The following DRAM2 variants were observed in gnomAD, a reference collection of about 807,000 sequenced individuals.
DRAM2 encodes the protein DNA damage regulated autophagy modulator 2.
DRAM2 carries 26 observed loss-of-function variants against 33.5 expected under a neutral mutation model. The observed-to-expected ratio is 0.78, with a 90% CI of 0.57 to 1.08. DRAM2 has a LOEUF of 1.08. DRAM2 is among the 50% of genes least tolerant of loss of function. The probability of loss-of-function intolerance (pLI) is 0.00; values close to 1 mark genes in which losing one functional copy is unlikely to be tolerated. For missense variants in DRAM2, 311 were observed against 318.1 expected (o/e 0.98, Z 0.17); for synonymous variants, 98 against 109.5 (o/e 0.89, Z 0.66).
chr1:111,125,737 TAA>T (rs1168606799), intron 5 of DRAM2: 1 of 152,420 alleles, frequency 6.6e-6, no homozygotes, highest in Admixed American at 6.5e-5. Flanking sequence ...AAACCATTAA[TAA>T]AAATTTGGTT....
intron 3 of DRAM2, among the ~76,000 whole-genome samples, chr1:111,136,386 G>A (rs1156942985): frequency 6.6e-6 from 1 of 152,106 alleles, no homozygotes. Flanking sequence ...CCAGCACGGT[G>A]AAACCCAGTC....
intron 3 of DRAM2, among the ~76,000 whole-genome samples, chr1:111,134,071 C>T (rs564385927): frequency 4.7e-4 from 71 of 152,252 alleles, no homozygotes; most frequent in Middle Eastern, 3.4e-3. Flanking sequence ...GGAGCAGGGG[C>T]GGAGACAGAG....
intron 3 of DRAM2, among the ~76,000 whole-genome samples, chr1:111,133,784 T>A (rs1165319613): frequency 3.3e-5 from 5 of 152,222 alleles, no homozygotes. Flanking sequence ...GATCTTCAAA[T>A]GTGTCATGCT....
chr1:111,125,047 G>A (rs1650739789), intron 5 of DRAM2, among the ~76,000 whole-genome samples, 166 bp from the exon 6 acceptor site: 1 of 151,646 alleles, frequency 6.6e-6, no homozygotes, highest in African/African-American at 2.4e-5. Context: ...CTGTAGTTTT[G>A]TTTTTGCTTT....
intron 2 of DRAM2, 86 bp from the exon 3 acceptor site, chr1:111,137,672 ATT>A (rs1653516600): frequency 6.6e-6 from 1 of 152,210 alleles, no homozygotes; most frequent in Non-Finnish European, 1.5e-5. Context: ...ACACGCCAAT[ATT>A]GTTCATGGGC....
intron 6 of DRAM2, among the ~76,000 whole-genome samples, chr1:111,121,120 T>C (rs1394165154): frequency 6.6e-6 from 1 of 152,114 alleles, no homozygotes; most frequent in South Asian, 2.1e-4. Flanking sequence ...TGTCTGATGG[T>C]GAAAAGGGTC....
chr1:111,136,492 G>C (rs951240459), intron 3 of DRAM2, among the ~76,000 whole-genome samples: 13 of 152,098 alleles, frequency 8.5e-5, no homozygotes, highest in African/African-American at 2.9e-4. Flanking sequence ...GGCTGAGGTA[G>C]GAGAATCGCT....
intron 4 of DRAM2, 36 bp from the exon 5 acceptor site, chr1:111,126,330 T>C (rs757474776): frequency 3.9e-6 from 5 of 1,283,510 alleles, no homozygotes; most frequent in Non-Finnish European, 5.7e-6. Context: ...GGATTTCTCA[T>C]ACTAGATAAA....
chr1:111,129,623 ATGCCC>A (rs1651673456), intron 4 of DRAM2, among the ~76,000 whole-genome samples: 1 of 152,210 alleles, frequency 6.6e-6, no homozygotes, highest in Admixed American at 6.5e-5. Context: ...AAAAATGTAG[ATGCCC>A]TATTACCTAT....
intron 3 of DRAM2, among the ~76,000 whole-genome samples, chr1:111,134,238 TTTAAA>T (rs1187215337): frequency 1.3e-5 from 2 of 151,986 alleles, no homozygotes; most frequent in African/African-American, 4.8e-5. Context: ...TAAGAATACT[TTTAAA>T]TTAGAATACT....
Position 111,139,483 on chromosome 1 carries a change from T to A in DRAM2, c.-79+18A>T, listed in dbSNP as rs1482389421. 6.6e-6 allele frequency: 1 copy of A among 152,234 alleles called. No individual in the cohort carries two copies. The highest frequency in any genetic ancestry group is 1.9e-4 in the East Asian group (1 of 5,190). The allele number at this position is 152,234 out of a possible 1,614,324, so 9.4% of individuals were successfully genotyped here. A position where few individuals can be genotyped will look rare whatever the true frequency, so the allele number is the denominator to read the frequency against. ...CTCGCTCCCTCCAGCCACCAAAGTATCTGAACCCAGAACTCACAACAGGAA... is the reference window on the plus strand; with the variant it reads ...CTCGCTCCCTCCAGCCACCAAAGTAACTGAACCCAGAACTCACAACAGGAA... On this transcript the variant is annotated intron_variant, in intron 2 of 9. Transcript: ENST00000484310.
At position 111,124,839 on chromosome 1, in the gene DRAM2, AG is replaced by A; in HGVS notation, c.241del (p.Leu81Ter). ...IYVRYKQVHA[L>X]SPEENVIIKL... is the part of the protein sequence containing the mutation. ...GATGATAACGTTCTCTTCAGGACTC[AG>A]AGCATGAACTTGCTTATAACGAACA... On this transcript the variant is annotated frameshift_variant, in exon 6 of 10. Coordinates refer to ENST00000484310, the MANE Select transcript of DRAM2 (RefSeq NM_001349884.2). LOFTEE classifies it high-confidence loss of function. 1.2e-6 allele frequency: 2 copies of A among 1,613,442 alleles called. No individual in the cohort carries two copies. Among genetic ancestry groups the A allele is most frequent in the Non-Finnish European group, 8.5e-7 (1 of 1,179,652 alleles).
At position 111,118,072 on chromosome 1, in the gene DRAM2, A is replaced by G; in HGVS notation, c.*88T>C. ...ACTGTCAGCCTTGATTAAGTGGTTGAAAATTTCAGAGAAGAATAAGCAACT... is the reference window on the plus strand; with the variant it reads ...ACTGTCAGCCTTGATTAAGTGGTTGGAAATTTCAGAGAAGAATAAGCAACT... On this transcript the variant is annotated 3_prime_UTR_variant, in exon 10 of 10. Coordinates refer to ENST00000484310, the MANE Select transcript of DRAM2 (RefSeq NM_001349884.2). 1 of 1,293,244 alleles carries G rather than the reference A, an allele frequency of 7.7e-7. No homozygotes were observed. The highest frequency in any genetic ancestry group is 1.2e-5 in the South Asian group (1 of 83,678). 80.1% of individuals were successfully genotyped at this position (1,293,244 alleles called of 1,614,324 possible).
chr1:111,126,137 A>G (rs1650960793), intron 5 of DRAM2, 90 bp downstream of exon 5: 1 of 798,896 alleles, frequency 1.3e-6, no homozygotes, highest in Non-Finnish European at 2.2e-6. Context: ...GTATAACTAG[A>G]AAGTAAAACA....
intron 1 of DRAM2, 120 bp downstream of exon 1, chr1:111,139,918 A>AG (rs1237877602): frequency 1.3e-5 from 2 of 152,326 alleles, no homozygotes; most frequent in African/African-American, 4.8e-5. Flanking sequence ...GACGCGGGTA[A>AG]GGGGGCTCCA....
At chr1:111,122,367 G>GAAGACAGTAAGGAGGGAAGTA (rs1650212682) in intron 6 of DRAM2, among the ~76,000 whole-genome samples, 1 of 150,574 alleles carries the variant, frequency 6.6e-6, no homozygotes, top group Admixed American at 6.7e-5. Context: ...TAGTTGAGAA[G>GAAGACAGTAAGGAGGGAAGTA]AAGACAGTAA....
intron 2 of DRAM2, among the ~76,000 whole-genome samples, chr1:111,138,419 A>AAGGG (rs1405209029): frequency 3.9e-5 from 6 of 152,268 alleles, no homozygotes. Context: ...ATGATTCATA[A>AAGGG]TTCAAAAAGC....
intron 4 of DRAM2, among the ~76,000 whole-genome samples, chr1:111,127,523 C>A (rs1218312763): frequency 6.6e-6 from 1 of 151,262 alleles, no homozygotes; most frequent in Admixed American, 6.6e-5. Flanking sequence ...TGTAAAGAAA[C>A]AATTATAAAA....
rs764350396 is a variant in DRAM2 at position 111,119,699 on chromosome 1, CAGG to C, written c.600+175_600+177del. 18 of 585,016 alleles carry C rather than the reference CAGG, an allele frequency of 3.1e-5. No individual in the cohort carries two copies. In the East Asian group the frequency reaches 3.4e-4, roughly 11 times the overall value. The allele number at this position is 585,016 out of a possible 1,614,324, so 36.2% of individuals were successfully genotyped here. ...GACAATATCTACAGATCACAGGTGACAGGAGAATATGGAAGGTTCTACATAAAC... is the reference window on the plus strand; with the variant it reads ...GACAATATCTACAGATCACAGGTGACAGAATATGGAAGGTTCTACATAAAC... On this transcript the variant is annotated intron_variant, in intron 8 of 9. Coordinates refer to ENST00000484310, the MANE Select transcript of DRAM2 (RefSeq NM_001349884.2).
Sources: gnomAD v4.1 joint callset for allele counts (sites outside exome capture counted in the v4.1 genomes callset) on GRCh38, gnomAD v4.1.1 for gene constraint, MANE v1.5 for transcripts, NCBI Gene and HGNC (gene_info 2026-07-23, HGNC 2026-07-21) for gene names.